The following KPNA4 variants were observed in gnomAD, a reference collection of about 807,000 sequenced individuals.
KPNA4 encodes the protein importin subunit alpha-3.
In KPNA4, 13 loss-of-function variants were observed where a neutral mutation model predicts 71.3. The observed-to-expected ratio is 0.18, with a 90% CI of 0.12 to 0.29. The LOEUF is 0.29. Among genes scored for constraint, KPNA4 ranks in the 10% least tolerant of loss-of-function variants. The pLI is 1.00. For synonymous variants in KPNA4, 189 were observed against 195.2 expected, an observed-to-expected ratio of 0.97 and a Z score of 0.26; for missense variants, 334 against 603.2, an observed-to-expected ratio of 0.55 and a Z score of 4.67.
intron 1 of KPNA4, among the ~76,000 whole-genome samples, chr3:160,555,565 T>G (rs1344746045): frequency 8.5e-5 from 13 of 152,146 alleles, no homozygotes; most frequent in Non-Finnish European, 1.5e-5. Context: ...AATGGAACAA[T>G]TATAACAATA....
At chr3:160,516,090 G>A (rs556207273) in intron 11 of KPNA4, among the ~76,000 whole-genome samples, 6 of 152,208 alleles carry the variant, frequency 3.9e-5, no homozygotes, top group Non-Finnish European at 8.8e-5. Flanking sequence ...AGGTTCAAGC[G>A]ATTCTCCTGG....
chr3:160,549,686 T>C (rs534181638), intron 1 of KPNA4, among the ~76,000 whole-genome samples: 11 of 152,334 alleles, frequency 7.2e-5, no homozygotes, highest in Admixed American at 3.9e-4. Context: ...AATATGTCTT[T>C]CAGTCTGGAA....
Position 160,563,506 on chromosome 3 carries a change from T to C in KPNA4, c.69+1708A>G, listed in dbSNP as rs139222951. The stretch of plus-strand genomic sequence containing the variant: ...CTAAAAGCCACTTTAAGTGGGTGAA[T>C]TGTATGGCATGCGAATTACATCTCA... On this transcript the variant is annotated intron_variant, in intron 1 of 16. Coordinates refer to ENST00000334256, the MANE Select transcript of KPNA4 (RefSeq NM_002268.5). Among the ~76,000 whole-genome samples, 325 of 152,240 alleles carry C rather than the reference T, an allele frequency of 2.1e-3. 1 individual carries two copies. The highest frequency in any genetic ancestry group is 7.1e-3 in the African/African-American group (293 of 41,520).
intron 14 of KPNA4, 43 bp from the exon 15 acceptor site, chr3:160,508,312 CTT>C (rs751564123): frequency 8.7e-6 from 12 of 1,384,466 alleles, no homozygotes; most frequent in Non-Finnish European, 1.2e-5. Context: ...TATAGGTAAA[CTT>C]TGTGTGCCAT....
At chr3:160,526,641 G>A (rs185368059) in intron 8 of KPNA4, among the ~76,000 whole-genome samples, 1 of 152,326 alleles carries the variant, frequency 6.6e-6, no homozygotes, top group Non-Finnish European at 1.5e-5. Context: ...ACCCCATGTA[G>A]TCCTGATTGC....
intron 1 of KPNA4, among the ~76,000 whole-genome samples, chr3:160,556,911 A>C (rs1335050624): frequency 6.6e-6 from 1 of 152,218 alleles, no homozygotes; most frequent in Non-Finnish European, 1.5e-5. Context: ...CATAATATTC[A>C]AAAGTGAAAT....
chr3:160,525,069 T>C (rs1183068470), intron 10 of KPNA4, among the ~76,000 whole-genome samples: 1 of 152,222 alleles, frequency 6.6e-6, no homozygotes, highest in Non-Finnish European at 1.5e-5. Flanking sequence ...GTCTGGCTTT[T>C]ACAAGCACTC....
intron 1 of KPNA4, 94 bp downstream of exon 1, chr3:160,565,120 C>A: frequency 1.9e-6 from 2 of 1,039,792 alleles, no homozygotes; most frequent in Non-Finnish European, 2.9e-6. Context: ...GGCCTGGAGG[C>A]GGCTCCCGCC....
chr3:160,532,081 G>A (rs939962613), intron 5 of KPNA4, among the ~76,000 whole-genome samples: 1 of 152,172 alleles, frequency 6.6e-6, no homozygotes, highest in Non-Finnish European at 1.5e-5. Context: ...CGTGAGCCAC[G>A]GAGCCTGGCC....
At chr3:160,560,310 T>C (rs2108562757) in intron 1 of KPNA4, among the ~76,000 whole-genome samples, 1 of 152,186 alleles carries the variant, frequency 6.6e-6, no homozygotes, top group Non-Finnish European at 1.5e-5. Flanking sequence ...TAAAATAAAT[T>C]CAATATGTAT....
In KPNA4 at chr3:160,498,165, CT is replaced by C. The variant is rs1720803464; in HGVS notation, c.*3938del. 1.3e-5 allele frequency: 2 copies of C among 152,096 alleles called. No individual in the cohort carries two copies. The highest frequency in any genetic ancestry group is 1.3e-4 in the Admixed American group (2 of 15,246). The allele number at this position is 152,096 out of a possible 1,614,324, so 9.4% of individuals were successfully genotyped here. On this transcript the variant is annotated 3_prime_UTR_variant, in exon 17 of 17. Transcript: ENST00000334256. The stretch of plus-strand genomic sequence containing the variant: ...ATCTAAAGGGAAGGGTTGGGACAGA[CT>C]GTAATTCATGGACTCTTATGAATCC...
intron 13 of KPNA4, among the ~76,000 whole-genome samples, chr3:160,510,652 G>C (rs1039618711): frequency 2.0e-5 from 3 of 152,002 alleles, no homozygotes. Context: ...CTAAATATTT[G>C]TGTGTGAGGC....
chr3:160,565,087 C>T (rs1436416114), intron 1 of KPNA4, 127 bp downstream of exon 1: 2 of 742,338 alleles, frequency 2.7e-6, no homozygotes, highest in Admixed American at 2.4e-5. Flanking sequence ...ACAGACGGGC[C>T]GGCCCCTAGC....
intron 1 of KPNA4, 106 bp downstream of exon 1, chr3:160,565,108 G>T (rs542751068): frequency 2.2e-6 from 2 of 916,006 alleles, no homozygotes; most frequent in South Asian, 1.4e-5. Flanking sequence ...GCCATTCCCC[G>T]AGGCCTGGAG....
chr3:160,565,392 G>T lies in KPNA4; in HGVS notation c.-110C>A. On this transcript the variant is annotated 5_prime_UTR_variant, in exon 1 of 17. Transcript: ENST00000334256. ...GGCCGCCGCCTGAGCTGCTGTGCCCGCCGCGCCGCCGCTTCCTTCCTCCTC... is the reference window on the plus strand; with the variant it reads ...GGCCGCCGCCTGAGCTGCTGTGCCCTCCGCGCCGCCGCTTCCTTCCTCCTC... 1.2e-6 allele frequency: 1 copy of T among 825,926 alleles called. No individual in the cohort carries two copies. Among genetic ancestry groups the T allele is most frequent in the Non-Finnish European group, 1.9e-6 (1 of 519,998 alleles). The allele number at this position is 825,926 out of a possible 1,614,324, so 51.2% of individuals were successfully genotyped here.
chr3:160,523,660 C>CAACA (rs993189471), intron 10 of KPNA4, among the ~76,000 whole-genome samples: 4 of 152,038 alleles, frequency 2.6e-5, no homozygotes, highest in Non-Finnish European at 5.9e-5. Context: ...CCAGCCTGGC[C>CAACA]AACATAGTGA....
chr3:160,547,218 T>C (rs1246058598), intron 1 of KPNA4, among the ~76,000 whole-genome samples: 1 of 152,194 alleles, frequency 6.6e-6, no homozygotes, highest in Non-Finnish European at 1.5e-5. Flanking sequence ...GAAATAAAAA[T>C]CTTAAAGTGT....
intron 1 of KPNA4, among the ~76,000 whole-genome samples, chr3:160,542,822 G>A (rs182487678): frequency 6.6e-6 from 1 of 152,206 alleles, no homozygotes; most frequent in African/African-American, 2.4e-5. Flanking sequence ...CAAGCTATTG[G>A]AGCAATATTA....
At chr3:160,551,369 T>A (rs990495069) in intron 1 of KPNA4, among the ~76,000 whole-genome samples, 4 of 152,230 alleles carry the variant, frequency 2.6e-5, no homozygotes, top group African/African-American at 4.8e-5. Flanking sequence ...CATAAATAAC[T>A]GCTCTAAGAG....
Sources: gnomAD v4.1 joint callset for allele counts (sites outside exome capture counted in the v4.1 genomes callset) on GRCh38, gnomAD v4.1.1 for gene constraint, MANE v1.5 for transcripts, NCBI Gene and HGNC (gene_info 2026-07-23, HGNC 2026-07-21) for gene names.